Variants in MTRF1L observed in about 807,000 individuals in gnomAD.
MTRF1L encodes mitochondrial translation release factor 1 like.
Under a neutral mutation model 40.0 loss-of-function variants are expected in MTRF1L, and 29 were observed. The observed-to-expected ratio is 0.73, with a 90% CI of 0.54 to 0.99. The LOEUF is 0.99. Among genes scored for constraint, MTRF1L ranks in the 50% least tolerant of loss-of-function variants. The pLI, the probability that MTRF1L is intolerant of heterozygous loss-of-function variation, is 0.00. For synonymous variants in MTRF1L, 150 were observed against 175.8 expected, an observed-to-expected ratio of 0.85 and a Z score of 1.16; for missense variants, 412 against 464.5, an observed-to-expected ratio of 0.89 and a Z score of 1.04.
In MTRF1L at chr6:152,991,039, T is replaced by G. The variant is rs1404399933; in HGVS notation, c.942+146A>C. The G allele has an allele frequency of 6.0e-6, 3 of 502,508 alleles. No homozygotes were observed. The African/African-American group carries it at 6.0e-5, about 10-fold the overall frequency. 31.1% of individuals were successfully genotyped at this position (502,508 alleles called of 1,614,324 possible). A position where few individuals can be genotyped will look rare whatever the true frequency, so the allele number is the denominator to read the frequency against. ...AAACAGGGCAGAGATGTAAGATTACTATCAAAGAAGGATAGCCCTTAGACT... is the reference window on the plus strand; with the variant it reads ...AAACAGGGCAGAGATGTAAGATTACGATCAAAGAAGGATAGCCCTTAGACT... On this transcript the variant is annotated intron_variant, in intron 6 of 6. Coordinates refer to ENST00000367233, the MANE Select transcript of MTRF1L (RefSeq NM_019041.7).
intron 2 of MTRF1L, 34 bp downstream of exon 2, chr6:152,998,516 C>T (rs769855376): frequency 8.9e-6 from 13 of 1,463,994 alleles, no homozygotes; most frequent in Admixed American, 2.2e-5. Flanking sequence ...CTAAGAATAG[C>T]ACAAATGCTT....
intron 4 of MTRF1L, among the ~76,000 whole-genome samples, chr6:152,993,858 C>G (rs1029436778): frequency 6.6e-6 from 1 of 152,160 alleles, no homozygotes; most frequent in Non-Finnish European, 1.5e-5. Flanking sequence ...GAAAGGAACT[C>G]CATTAAACCT....
chr6:152,991,068 T>A, intron 6 of MTRF1L, 117 bp downstream of exon 6: 1 of 637,512 alleles, frequency 1.6e-6, no homozygotes, highest in Middle Eastern at 4.4e-4. Context: ...TTAGACTACT[T>A]GAATTGTTTT....
intron 2 of MTRF1L, among the ~76,000 whole-genome samples, chr6:152,997,380 GA>G (rs1778749818): frequency 6.6e-6 from 1 of 152,210 alleles, no homozygotes; most frequent in Non-Finnish European, 1.5e-5. Flanking sequence ...ATGGGTGCCA[GA>G]ACCTTTGCAT....
chr6:152,994,992 T>C (rs1269443889), intron 3 of MTRF1L, 144 bp downstream of exon 3: 1 of 798,706 alleles, frequency 1.3e-6, no homozygotes. Context: ...TCAAAATTAC[T>C]GTATGTGCAT....
At chr6:152,991,127 C>T in intron 6 of MTRF1L, 58 bp downstream of exon 6, 1 of 1,188,588 alleles carries the variant, frequency 8.4e-7, no homozygotes, top group South Asian at 1.6e-5. Flanking sequence ...TTAAAAAAAG[C>T]TGAGTTATAT....
At position 152,991,172 on chromosome 6, in the gene MTRF1L, A is replaced by G; in HGVS notation, c.942+13T>C. Reference sequence around the variant, plus strand: ...TCTATCCTTTAAAAGCATTTTTAAAATTCTTTTTTTACCTGAATTTTTCTA... The same window carrying G: ...TCTATCCTTTAAAAGCATTTTTAAAGTTCTTTTTTTACCTGAATTTTTCTA... On this transcript the variant is annotated intron_variant, in intron 6 of 6. Transcript: ENST00000367233. The G allele has an allele frequency of 2.0e-6, 3 of 1,468,872 alleles. No homozygotes were observed. The highest frequency in any genetic ancestry group is 2.7e-6 in the Non-Finnish European group (3 of 1,099,982). The allele number at this position is 1,468,872 out of a possible 1,614,324, so 91.0% of individuals were successfully genotyped here.
intron 5 of MTRF1L, among the ~76,000 whole-genome samples, chr6:152,991,883 A>G (rs1293107006): frequency 1.3e-5 from 2 of 152,186 alleles, no homozygotes; most frequent in African/African-American, 4.8e-5. Flanking sequence ...AGGCATACAT[A>G]CTAAACAATA....
At chr6:152,991,106 A>G in intron 6 of MTRF1L, 79 bp downstream of exon 6, 1 of 996,216 alleles carries the variant, frequency 1.0e-6, no homozygotes, top group Non-Finnish European at 1.4e-6. Flanking sequence ...AATATATAAA[A>G]ACCAAGTTAT....
chr6:152,997,625 T>G (rs996639415), intron 2 of MTRF1L, among the ~76,000 whole-genome samples: 4 of 152,154 alleles, frequency 2.6e-5, no homozygotes, highest in African/African-American at 7.2e-5. Flanking sequence ...TTTTGGGGAT[T>G]CTCAAGGCAC....
rs967840882 is a variant in MTRF1L at position 152,994,629 on chromosome 6, T to C, written c.571A>G (p.Arg191Gly). 6.2e-7 allele frequency: 1 copy of C among 1,614,150 alleles called. No homozygotes were observed. The highest frequency in any genetic ancestry group is 1.7e-5 in the Admixed American group (1 of 60,024). The change falls in exon 4 of 7, where the codon AGG (arginine) becomes GGG (glycine). Residue 191 changes from arginine to glycine, a missense_variant. Arg to Gly is a moderately radical substitution (Grantham distance 125, BLOSUM62 -2). Coordinates refer to ENST00000367233, the MANE Select transcript of MTRF1L (RefSeq NM_019041.7). ...SASIGGSEAY[R>G]HMKFEGGVHR... is the part of the protein sequence containing the mutation. ...ACACCTCCTTCAAATTTCATGTGCCTATAGGCTTCTGAACCCCCAATGCTG... is the reference window on the plus strand; with the variant it reads ...ACACCTCCTTCAAATTTCATGTGCCCATAGGCTTCTGAACCCCCAATGCTG...
At chr6:152,994,369 A>AT in intron 4 of MTRF1L, 144 bp downstream of exon 4, 1 of 804,306 alleles carries the variant, frequency 1.2e-6, no homozygotes, top group Non-Finnish European at 1.9e-6. Flanking sequence ...ATAAAATTAT[A>AT]TTTTTTAGAC....
chr6:153,002,382 G>T, intron 1 of MTRF1L, 45 bp downstream of exon 1: 1 of 1,613,764 alleles, frequency 6.2e-7, no homozygotes, highest in Non-Finnish European at 8.5e-7. Flanking sequence ...CAAACGAAGA[G>T]TCAAGAATGT....
chr6:152,999,510 A>T (rs1382697698), intron 1 of MTRF1L, among the ~76,000 whole-genome samples: 2 of 152,168 alleles, frequency 1.3e-5, no homozygotes, highest in Admixed American at 6.5e-5. Flanking sequence ...CTAAACCCTT[A>T]TGTGACATGG....
At chr6:152,995,383 G>A (rs899708038) in intron 2 of MTRF1L, 64 bp from the exon 3 acceptor site, 14 of 1,332,000 alleles carry the variant, frequency 1.1e-5, no homozygotes, top group Non-Finnish European at 1.4e-5. Flanking sequence ...AAAATAAAAA[G>A]CTAAATGATT....
chr6:152,998,384 G>T, intron 2 of MTRF1L, 166 bp downstream of exon 2: 1 of 457,246 alleles, frequency 2.2e-6, no homozygotes, highest in Non-Finnish European at 3.8e-6. Context: ...TTAAATATAT[G>T]CAATTTTGGG....
At chr6:152,998,208 C>T (rs561899616) in intron 2 of MTRF1L, 1 of 154,664 alleles carries the variant, frequency 6.5e-6, no homozygotes, top group East Asian at 1.8e-4. Context: ...CGCTGCCTTT[C>T]CAGAAAATAC....
chr6:152,995,378 A>G, intron 2 of MTRF1L, 59 bp from the exon 3 acceptor site: 2 of 1,359,102 alleles, frequency 1.5e-6, no homozygotes, highest in South Asian at 3.0e-5. Flanking sequence ...ATCAAAAAAT[A>G]AAAAGCTAAA....
intron 1 of MTRF1L, among the ~76,000 whole-genome samples, 188 bp downstream of exon 1, chr6:153,002,239 A>G (rs943843191): frequency 6.6e-6 from 1 of 152,186 alleles, no homozygotes; most frequent in African/African-American, 2.4e-5. Context: ...GCCGTGGCAA[A>G]GGAGCACAAG....
Sources: gnomAD v4.1 joint callset for allele counts (sites outside exome capture counted in the v4.1 genomes callset) on GRCh38, gnomAD v4.1.1 for gene constraint, MANE v1.5 for transcripts, NCBI Gene and HGNC (gene_info 2026-07-23, HGNC 2026-07-21) for gene names.